The following WWC1 variants were observed in gnomAD, a reference collection of about 807,000 sequenced individuals.
WWC1 encodes protein KIBRA.
Under a neutral mutation model 138.4 loss-of-function variants are expected in WWC1, and 55 were observed. That is an observed-to-expected ratio of 0.40 (90% CI 0.32 to 0.50). The LOEUF (loss-of-function observed/expected upper bound fraction) is 0.50, where lower values mean the gene tolerates loss of function less well. Among genes scored for constraint, WWC1 ranks in the 20% least tolerant of loss-of-function variants. The pLI, the probability that WWC1 is intolerant of heterozygous loss-of-function variation, is 0.72. For missense variants in WWC1, 1,226 were observed against 1,420.4 expected, an observed-to-expected ratio of 0.86 and a Z score of 2.20; for synonymous variants, 524 against 564.9, an observed-to-expected ratio of 0.93 and a Z score of 1.03.
chr5:168,454,440 T>A (rs1756117036), intron 18 of WWC1, among the ~76,000 whole-genome samples: 1 of 152,184 alleles, frequency 6.6e-6, no homozygotes, highest in South Asian at 2.1e-4. Flanking sequence ...CATTTTCTCA[T>A]CTCTAAAATG....
chr5:168,399,609 A>G, intron 5 of WWC1, 42 bp downstream of exon 5: 1 of 1,598,034 alleles, frequency 6.3e-7, no homozygotes. Context: ...GCTGCTCCCC[A>G]CCCTGGTTCC....
At chr5:168,397,575 T>C in intron 3 of WWC1, 149 bp from the exon 4 acceptor site, 1 of 729,732 alleles carries the variant, frequency 1.4e-6, no homozygotes, top group Non-Finnish European at 2.3e-6. Flanking sequence ...GCGTGTACCA[T>C]CTTTATGTAA....
At chr5:168,314,972 C>T (rs1006071520) in intron 1 of WWC1, among the ~76,000 whole-genome samples, 2 of 152,160 alleles carry the variant, frequency 1.3e-5, no homozygotes, top group African/African-American at 4.8e-5. Context: ...TGAGATAACA[C>T]TCCCCCGCCC....
intron 1 of WWC1, among the ~76,000 whole-genome samples, chr5:168,370,947 G>T (rs995549896): frequency 6.6e-6 from 1 of 152,200 alleles, no homozygotes; most frequent in African/African-American, 2.4e-5. Context: ...TGATGTTGCG[G>T]CAAGCCAGCC....
rs1195544971 is a variant in WWC1 at position 168,292,543 on chromosome 5, C to G, written c.119+272C>G. On this transcript the variant is annotated intron_variant, in intron 1 of 22. Coordinates refer to ENST00000265293, the MANE Select transcript of WWC1 (RefSeq NM_015238.3). The surrounding 1 kb of genome is among the most constrained non-coding windows in gnomAD (Gnocchi z 4.4). ...ACTTAGGCCCCAGCCGGCACCTGCCCGGAGTTTTGACCTTAAGCTCTAGCC... is the reference window on the plus strand; with the variant it reads ...ACTTAGGCCCCAGCCGGCACCTGCCGGGAGTTTTGACCTTAAGCTCTAGCC... Among the ~76,000 whole-genome samples the G allele has an allele frequency of 6.6e-6, 1 of 152,068 alleles. No individual in the cohort carries two copies. Among genetic ancestry groups the G allele is most frequent in the Non-Finnish European group, 1.5e-5 (1 of 68,010 alleles).
chr5:168,357,621 A>G (rs1775563471), intron 1 of WWC1, among the ~76,000 whole-genome samples: 1 of 152,108 alleles, frequency 6.6e-6, no homozygotes, highest in Admixed American at 6.6e-5. Flanking sequence ...TCCTCGCAGT[A>G]TGAATGAATA....
rs753541512 is a variant in WWC1, at chr5:168,464,961, G to C, written c.3149G>C (p.Arg1050Pro). The change falls in exon 21 of 23, where the codon CGG (arginine) becomes CCG (proline). Residue 1050 changes from arginine to proline, a missense_variant and splice_region_variant. Around this residue, in one of 3 missense-constraint regions of WWC1, gnomAD observed 206 missense variants for 247.4 expected, o/e 0.83. Coordinates refer to ENST00000265293, the MANE Select transcript of WWC1 (RefSeq NM_015238.3). ...CTGCTGCTGAGGATGCTGGAGAAGC[G>C]GGTGAGTTCTGCCTCGAAGGCAGGG... Reference protein sequence around the residue: ...FRLLLRMLEKRQMDRAEHKGE... With the variant: ...FRLLLRMLEKPQMDRAEHKGE... The C allele has an allele frequency of 6.2e-7, 1 of 1,613,682 alleles. No homozygotes were observed. Among genetic ancestry groups the C allele is most frequent in the Non-Finnish European group, 8.5e-7 (1 of 1,179,868 alleles).
chr5:168,296,049 G>T (rs1769511919), intron 1 of WWC1, among the ~76,000 whole-genome samples: 1 of 152,228 alleles, frequency 6.6e-6, no homozygotes, highest in African/African-American at 2.4e-5. Flanking sequence ...TGCTCCTTTT[G>T]CGGAGTAACT....
At chr5:168,421,460 A>T (rs1781084489) in intron 9 of WWC1, among the ~76,000 whole-genome samples, 1 of 152,116 alleles carries the variant, frequency 6.6e-6, no homozygotes, top group African/African-American at 2.4e-5. Flanking sequence ...TGTTAATTAG[A>T]TATTTGAGTA....
chr5:168,334,346 C>T (rs1430270994), intron 1 of WWC1, among the ~76,000 whole-genome samples: 1 of 152,154 alleles, frequency 6.6e-6, no homozygotes, highest in Non-Finnish European at 1.5e-5. Context: ...CTCTGCCCCA[C>T]CCCCACTGCA....
Position 168,472,128 on chromosome 5 carries a change from C to T in WWC1, c.*3111C>T, listed in dbSNP as rs190676746. Reference sequence around the variant, plus strand: ...CCTGAAGAAGTGCATCTCAGCATCACTTCAGCTGTCGGGGCATTTGTGGGG... The same window carrying T: ...CCTGAAGAAGTGCATCTCAGCATCATTTCAGCTGTCGGGGCATTTGTGGGG... On this transcript the variant is annotated 3_prime_UTR_variant, in exon 23 of 23. Coordinates refer to ENST00000265293, the MANE Select transcript of WWC1 (RefSeq NM_015238.3). 1 of 152,426 alleles carries T rather than the reference C, an allele frequency of 6.6e-6. No homozygotes were observed. Among genetic ancestry groups the T allele is most frequent in the East Asian group, 1.9e-4 (1 of 5,184 alleles). 9.4% of individuals were successfully genotyped at this position (152,426 alleles called of 1,614,324 possible). A position where few individuals can be genotyped will look rare whatever the true frequency, so the allele number is the denominator to read the frequency against.
At chr5:168,398,737 G>A (rs918503668) in intron 4 of WWC1, among the ~76,000 whole-genome samples, 2 of 152,178 alleles carry the variant, frequency 1.3e-5, no homozygotes, top group Non-Finnish European at 2.9e-5. Context: ...AATGAGGGAT[G>A]TGGGCTGGGG....
chr5:168,446,452 G>A (rs991407288), intron 17 of WWC1, among the ~76,000 whole-genome samples: 4 of 152,066 alleles, frequency 2.6e-5, no homozygotes, highest in African/African-American at 9.7e-5. Flanking sequence ...ATAGACGAGG[G>A]TTTGAAACTT....
chr5:168,371,679 G>T, intron 2 of WWC1, 146 bp downstream of exon 2: 1 of 573,140 alleles, frequency 1.7e-6, no homozygotes, highest in East Asian at 3.0e-5. Context: ...TAGAAATGTC[G>T]ATGTAGATAT....
Position 168,373,719 on chromosome 5 carries a change from TAAAAAAAAAAAAAAA to T in WWC1, c.229+2207_229+2221del, listed in dbSNP as rs368930085. On this transcript the variant is annotated intron_variant, in intron 2 of 22. Transcript: ENST00000265293. ...GGCAACATAGCAAGGCCTTGTCTCT[TAAAAAAAAAAAAAAA>T]AAAAAAAAAAAAAAAAAAAAGGTGG... Among the ~76,000 whole-genome samples, 40 of 52,656 alleles carry T rather than the reference TAAAAAAAAAAAAAAA, an allele frequency of 7.6e-4. No individual in the cohort carries two copies. The East Asian group carries it at 0.019, about 25-fold the overall frequency. 34.5% of individuals were successfully genotyped at this position (52,656 alleles called of 152,430 possible).
chr5:168,409,788 C>T lies in WWC1; in HGVS notation c.868-134C>T, dbSNP rs956250656. On this transcript the variant is annotated intron_variant, in intron 7 of 22. Coordinates refer to ENST00000265293, the MANE Select transcript of WWC1 (RefSeq NM_015238.3). ...TAACCAGCTTCCCTGCGATCTGCAC[C>T]GCCAGCCCAGTCACCGGGGGCTATT... 1.3e-4 allele frequency: 113 copies of T among 858,864 alleles called. 3 individuals carry two copies. The highest frequency in any genetic ancestry group is 1.3e-3 in the South Asian group (89 of 70,346). The allele number at this position is 858,864 out of a possible 1,614,324, so 53.2% of individuals were successfully genotyped here.
At chr5:168,441,615 C>T in intron 15 of WWC1, 67 bp from the exon 16 acceptor site, 1 of 1,564,500 alleles carries the variant, frequency 6.4e-7, no homozygotes, top group South Asian at 1.2e-5. Context: ...CCTCTTGAAC[C>T]AAATTCCCTG....
At chr5:168,414,241 G>A in intron 8 of WWC1, 107 bp from the exon 9 acceptor site, 2 of 1,462,530 alleles carry the variant, frequency 1.4e-6, no homozygotes, top group Non-Finnish European at 1.8e-6. Flanking sequence ...ATCAAAGGAA[G>A]ACAGTAACTG....
chr5:168,327,284 C>T (rs1200543748), intron 1 of WWC1, among the ~76,000 whole-genome samples: 1 of 152,162 alleles, frequency 6.6e-6, no homozygotes, highest in Non-Finnish European at 1.5e-5. Context: ...CTTTCATTTA[C>T]CTCTTGGTTC....
Sources: gnomAD v4.1 joint callset for allele counts (sites outside exome capture counted in the v4.1 genomes callset) on GRCh38, gnomAD v4.1.1 for gene constraint, gnomAD v4.1.1 regional missense constraint, Gnocchi (gnomAD v3.1) non-coding constraint, MANE v1.5 for transcripts, NCBI Gene and HGNC (gene_info 2026-07-23, HGNC 2026-07-21) for gene names.